Variants in COMMD1 observed in about 807,000 individuals in gnomAD.
The protein encoded by COMMD1 is copper metabolism domain containing 1, also known as COMM domain-containing protein 1.
COMMD1 carries 10 observed loss-of-function variants against 17.2 expected under a neutral mutation model. The observed-to-expected ratio is 0.58, with a 90% CI of 0.36 to 0.99. The LOEUF is 0.99. Among genes scored for constraint, COMMD1 ranks in the 50% least tolerant of loss-of-function variants. The probability of loss-of-function intolerance (pLI) is 0.01; values close to 1 mark genes in which losing one functional copy is unlikely to be tolerated. For synonymous variants in COMMD1, 97 were observed against 91.6 expected (o/e 1.06, Z -0.34); for missense variants, 270 against 231.8 (o/e 1.17, Z -1.07).
upstream of COMMD1, among the ~76,000 whole-genome samples, chr2:61,902,287 C>T (rs1336298726): frequency 6.6e-6 from 1 of 151,772 alleles, no homozygotes; most frequent in Non-Finnish European, 1.5e-5. Context: ...GCAGGTGGAT[C>T]ACGAGGTCGG....
chr2:62,058,168 A>C (rs943906165), intron 2 of COMMD1, among the ~76,000 whole-genome samples: 1 of 152,186 alleles, frequency 6.6e-6, no homozygotes, highest in African/African-American at 2.4e-5. Flanking sequence ...GACCATGCAC[A>C]CTTGAAAAGA....
chr2:62,026,398 CTT>C (rs1202330371), intron 2 of COMMD1, among the ~76,000 whole-genome samples: 1 of 152,158 alleles, frequency 6.6e-6, no homozygotes, highest in Non-Finnish European at 1.5e-5. Flanking sequence ...GTGCCACACA[CTT>C]TTAAATGACC....
chr2:62,053,998 TCAA>T (rs1049961768), intron 2 of COMMD1, among the ~76,000 whole-genome samples: 1 of 151,900 alleles, frequency 6.6e-6, no homozygotes, highest in African/African-American at 2.4e-5. Flanking sequence ...CTTAAACAGC[TCAA>T]CAACAAGATC....
chr2:62,123,594 T>C (rs1249566634), intron 2 of COMMD1, among the ~76,000 whole-genome samples: 1 of 149,110 alleles, frequency 6.7e-6, no homozygotes, highest in Non-Finnish European at 1.5e-5. Context: ...GCATGGAGGG[T>C]ATGGATCAGC....
intron 2 of COMMD1, among the ~76,000 whole-genome samples, chr2:62,056,851 G>A (rs960554471): frequency 2.6e-5 from 4 of 152,158 alleles, no homozygotes; most frequent in Admixed American, 6.6e-5. Flanking sequence ...CACAAATGAC[G>A]GAGGCCTTGA....
intron 2 of COMMD1, among the ~76,000 whole-genome samples, chr2:62,102,172 C>T (rs576548808): frequency 1.1e-4 from 17 of 152,276 alleles, no homozygotes; most frequent in Admixed American, 8.5e-4. Context: ...CACAGCTTCC[C>T]ATCACCTGAA....
intron 1 of COMMD1, among the ~76,000 whole-genome samples, chr2:61,906,455 A>C (rs1425991201): frequency 6.6e-6 from 1 of 152,246 alleles, no homozygotes; most frequent in Admixed American, 6.5e-5. Context: ...ACATGTAATC[A>C]ATATACAGAA....
intron 1 of COMMD1, among the ~76,000 whole-genome samples, chr2:61,931,181 G>A (rs1488288609): frequency 1.3e-5 from 2 of 151,994 alleles, no homozygotes; most frequent in African/African-American, 4.8e-5. Flanking sequence ...GTGTGGTGGT[G>A]CGTGCCTGTA....
chr2:62,039,171 TAA>T (rs1379493741), intron 2 of COMMD1, among the ~76,000 whole-genome samples: 1 of 152,224 alleles, frequency 6.6e-6, no homozygotes. Context: ...TGACTGCTGT[TAA>T]GTTACTCTGT....
At chr2:62,010,432 G>A (rs1669246939) in intron 2 of COMMD1, among the ~76,000 whole-genome samples, 1 of 151,856 alleles carries the variant, frequency 6.6e-6, no homozygotes, top group Non-Finnish European at 1.5e-5. Flanking sequence ...TTGATCTCAT[G>A]TAATTCCTTG....
chr2:62,092,820 C>G (rs1671871099), intron 2 of COMMD1, among the ~76,000 whole-genome samples: 1 of 152,162 alleles, frequency 6.6e-6, no homozygotes, highest in South Asian at 2.1e-4. Flanking sequence ...TACGATTTCA[C>G]AGGGCGATAA....
chr2:61,935,471 T>C (rs909410168), intron 1 of COMMD1, among the ~76,000 whole-genome samples: 3 of 151,936 alleles, frequency 2.0e-5, no homozygotes, highest in African/African-American at 7.3e-5. Context: ...TCTACAAAAA[T>C]ACAAAAATTA....
intron 1 of COMMD1, among the ~76,000 whole-genome samples, chr2:61,959,480 G>T (rs1214080421): frequency 6.6e-6 from 1 of 152,128 alleles, no homozygotes. Flanking sequence ...CTTAGGGCAG[G>T]CATTTTATAA....
intron 2 of COMMD1, among the ~76,000 whole-genome samples, chr2:62,026,463 G>C (rs1480678877): frequency 6.6e-6 from 1 of 152,136 alleles, no homozygotes; most frequent in African/African-American, 2.4e-5. Flanking sequence ...AGCCATAAAG[G>C]ATCTGCCCCC....
At chr2:62,101,743 A>C (rs1460809333) in intron 2 of COMMD1, among the ~76,000 whole-genome samples, 1 of 152,156 alleles carries the variant, frequency 6.6e-6, no homozygotes, top group Non-Finnish European at 1.5e-5. Flanking sequence ...AAAGTTCTTT[A>C]CTTACCAAGG....
chr2:62,107,343 A>G (rs962604919), intron 2 of COMMD1, among the ~76,000 whole-genome samples: 22 of 152,208 alleles, frequency 1.4e-4, no homozygotes, highest in African/African-American at 4.3e-4. Context: ...GAGAGTATCA[A>G]CTGGACTGGT....
intron 1 of COMMD1, among the ~76,000 whole-genome samples, chr2:61,978,002 A>AT (rs930152203): frequency 6.6e-6 from 1 of 151,678 alleles, no homozygotes; most frequent in Non-Finnish European, 1.5e-5. Flanking sequence ...AAAAAAAAAA[A>AT]GTTGACATTG....
chr2:61,911,674 T>C (rs1669911799), intron 1 of COMMD1, among the ~76,000 whole-genome samples: 1 of 152,172 alleles, frequency 6.6e-6, no homozygotes. Flanking sequence ...CAGCATATAG[T>C]GGCCTTCCTG....
At chr2:61,966,030 C>T (rs1040005300) in intron 1 of COMMD1, among the ~76,000 whole-genome samples, 3 of 152,174 alleles carry the variant, frequency 2.0e-5, no homozygotes, top group African/African-American at 7.2e-5. Flanking sequence ...CAGTCATTTT[C>T]TATACATCAG....
Sources: gnomAD v4.1 joint callset for allele counts (sites outside exome capture counted in the v4.1 genomes callset) on GRCh38, gnomAD v4.1.1 for gene constraint, MANE v1.5 for transcripts, NCBI Gene and HGNC (gene_info 2026-07-23, HGNC 2026-07-21) for gene names.